NBPF4: variants seen among roughly 807,000 people sequenced by gnomAD.
NBPF4 encodes the protein NBPF member 4, also known as NBPF family member NBPF4.
NBPF4 carries 11 observed loss-of-function variants against 21.1 expected under a neutral mutation model. That is an observed-to-expected ratio of 0.52 (90% CI 0.33 to 0.86). The LOEUF (loss-of-function observed/expected upper bound fraction) is 0.86. NBPF4 is among the 40% of genes least tolerant of loss of function. NBPF4 has a pLI of 0.03. For synonymous variants in NBPF4, 47 were observed against 106.4 expected (o/e 0.44, Z 3.43); for missense variants, 88 against 265.3 (o/e 0.33, Z 4.64).
At position 108,223,091 on chromosome 1, in the gene NBPF4, G is replaced by C. The variant is rs1319446213; in HGVS notation, c.*614C>G. ...CAGCTGACCTGTCCTCCACAAACAAGTCCATGTCACCACCATCAATGACAA... is the reference window on the plus strand; with the variant it reads ...CAGCTGACCTGTCCTCCACAAACAACTCCATGTCACCACCATCAATGACAA... On this transcript the variant is annotated 3_prime_UTR_variant, in exon 15 of 15. Transcript: ENST00000415641. Among the ~76,000 whole-genome samples the C allele has an allele frequency of 3.9e-5, 6 of 152,142 alleles. No individual in the cohort carries two copies. The highest frequency in any genetic ancestry group is 4.4e-5 in the Non-Finnish European group (3 of 68,034).
At chr1:108,265,102 G>C in the NBPF4 span, among the ~76,000 whole-genome samples, 20,847 of 137,208 alleles carry the variant, frequency 0.15, 91 homozygotes, top group South Asian at 0.25. Context: ...GAGTGAACAG[G>C]CAACCTCCAA....
At chr1:108,264,970 CAACT>C in the NBPF4 span, among the ~76,000 whole-genome samples, 1 of 143,766 alleles carries the variant, frequency 7.0e-6, no homozygotes, top group Admixed American at 7.3e-5. Flanking sequence ...CCTAACAGTA[CAACT>C]AAAAGAACTA....
the NBPF4 span, among the ~76,000 whole-genome samples, chr1:108,266,399 T>C: frequency 1.1e-4 from 15 of 134,738 alleles, no homozygotes; most frequent in African/African-American, 4.1e-4. Flanking sequence ...TGGGACTACA[T>C]GTGTGAGCCA....
chr1:108,266,165 A>G, the NBPF4 span, among the ~76,000 whole-genome samples: 3 of 145,698 alleles, frequency 2.1e-5, no homozygotes, highest in Non-Finnish European at 4.5e-5. Flanking sequence ...AAAAAAAAAA[A>G]AGGCAATAAA....
chr1:108,246,337 T>C (rs980841745), upstream of NBPF4, among the ~76,000 whole-genome samples: 11 of 123,188 alleles, frequency 8.9e-5, 3 homozygotes, highest in Non-Finnish European at 1.6e-4. Context: ...ATGTATTTTA[T>C]GGAGAAGATT....
chr1:108,247,947 C>T (rs371814101), upstream of NBPF4, among the ~76,000 whole-genome samples: 25 of 150,322 alleles, frequency 1.7e-4, no homozygotes, highest in East Asian at 7.7e-4. Flanking sequence ...CCAAGTAGTT[C>T]GAACTCTAGG....
the NBPF4 span, among the ~76,000 whole-genome samples, chr1:108,257,496 C>T: frequency 6.6e-6 from 1 of 150,682 alleles, no homozygotes; most frequent in African/African-American, 2.4e-5. Context: ...TACCCTCTCC[C>T]CACTCTCATT....
upstream of NBPF4, among the ~76,000 whole-genome samples, chr1:108,246,594 G>C (rs1649850244): frequency 9.6e-6 from 1 of 104,534 alleles, no homozygotes; most frequent in African/African-American, 3.5e-5. Flanking sequence ...CCGTGATCCT[G>C]CACTTACCCT....
the NBPF4 span, among the ~76,000 whole-genome samples, chr1:108,257,315 T>TA: frequency 6.9e-6 from 1 of 145,626 alleles, no homozygotes; most frequent in African/African-American, 2.5e-5. Context: ...TTAGGATATC[T>TA]ATCACCTCAA....
intron 3 of NBPF4, among the ~76,000 whole-genome samples, chr1:108,241,663 A>G (rs1649726983): frequency 8.6e-6 from 1 of 116,364 alleles, no homozygotes; most frequent in Non-Finnish European, 1.9e-5. Context: ...ATGAAAGAAG[A>G]AAAGAATGAC....
rs1018245064 is a variant in NBPF4, at chr1:108,222,929, G to A, written c.*776C>T. On this transcript the variant is annotated 3_prime_UTR_variant, in exon 15 of 15. Coordinates refer to ENST00000415641, the MANE Select transcript of NBPF4 (RefSeq NM_001143989.3). ...ACCGCACTGGGGATGGACACACTGG[G>A]CCTTCTCTGCCTGCAGATGGGCTGA... is the stretch of plus-strand genomic sequence containing the variant. Among the ~76,000 whole-genome samples, 1 of 152,130 alleles carries A rather than the reference G, an allele frequency of 6.6e-6. No homozygotes were observed. The highest frequency in any genetic ancestry group is 2.4e-5 in the African/African-American group (1 of 41,442).
At chr1:108,226,390 A>G (rs2101673773) in intron 14 of NBPF4, among the ~76,000 whole-genome samples, 1 of 150,900 alleles carries the variant, frequency 6.6e-6, no homozygotes, top group Admixed American at 6.6e-5. Context: ...AGCAGCTTAA[A>G]CTATGTACTT....
the NBPF4 span, among the ~76,000 whole-genome samples, chr1:108,259,496 A>C: frequency 6.9e-6 from 1 of 144,356 alleles, no homozygotes; most frequent in Non-Finnish European, 1.5e-5. Flanking sequence ...ATTTATAACC[A>C]ATCAACAGTT....
chr1:108,264,131 T>C, the NBPF4 span, among the ~76,000 whole-genome samples: 1 of 142,738 alleles, frequency 7.0e-6, no homozygotes, highest in Admixed American at 6.9e-5. Flanking sequence ...GTATGCTGTA[T>C]TCAAGAGACA....
upstream of NBPF4, among the ~76,000 whole-genome samples, chr1:108,246,321 T>TA (rs1558042202): frequency 8.0e-6 from 1 of 124,952 alleles, no homozygotes; most frequent in East Asian, 2.6e-4. Context: ...TATGTATAGA[T>TA]ACAATATGTA....
the NBPF4 span, among the ~76,000 whole-genome samples, chr1:108,250,526 G>A: frequency 2.0e-5 from 3 of 152,274 alleles, no homozygotes; most frequent in African/African-American, 7.2e-5. Flanking sequence ...CAAGTTGAGA[G>A]TTTGTTTTTG....
At chr1:108,265,805 A>G in the NBPF4 span, among the ~76,000 whole-genome samples, 17 of 18,206 alleles carry the variant, frequency 9.3e-4, no homozygotes, top group Non-Finnish European at 1.2e-3. Flanking sequence ...AAAACCAAAC[A>G]TTGCATATTC....
rs762940951 is a variant in NBPF4, at chr1:108,229,091, C to G, written c.1489G>C (p.Val497Leu). 1.3e-6 allele frequency: 2 copies of G among 1,551,046 alleles called. No individual in the cohort carries two copies. The highest frequency in any genetic ancestry group is 3.9e-5 in the Admixed American group (2 of 50,956). ...SGDLSHHQSE[V>L]QVSQAQLEPS... ...TCCAGCTGTGCCTGTGAAACTTGCA[C>G]CTCTGACTGGTGGTGGCTCAAGTCT... The change falls in exon 13 of 15, where the codon GTG becomes CTG. Residue 497 changes from valine to leucine, a missense_variant. Physicochemically the swap from Val to Leu is conservative, Grantham distance 32 (BLOSUM62 1). Transcript: ENST00000415641.
At chr1:108,253,840 T>A in the NBPF4 span, among the ~76,000 whole-genome samples, 2 of 20,550 alleles carry the variant, frequency 9.7e-5, no homozygotes, top group African/African-American at 4.1e-4. Context: ...ATTGAGCAAC[T>A]TTTCATATAT....
Sources: allele counts gnomAD v4.1 joint callset (sites outside exome capture counted in the v4.1 genomes callset), GRCh38; gene constraint gnomAD v4.1.1; transcripts MANE v1.5; gene names NCBI Gene and HGNC (gene_info 2026-07-23, HGNC 2026-07-21).